The following ARSG variants were observed in gnomAD, a reference collection of about 807,000 sequenced individuals.
The protein encoded by ARSG is ASG.
ARSG carries 37 observed loss-of-function variants against 50.5 expected under a neutral mutation model. That is an observed-to-expected ratio of 0.73 (90% confidence interval 0.56 to 0.96). The LOEUF (loss-of-function observed/expected upper bound fraction) is 0.96, where lower values mean the gene tolerates loss of function less well. Among genes scored for constraint, ARSG ranks in the 50% least tolerant of loss-of-function variants. The pLI, the probability that ARSG is intolerant of heterozygous loss-of-function variation, is 0.00. For missense variants in ARSG, 629 were observed against 675.3 expected (o/e 0.93, Z 0.76); for synonymous variants, 225 against 254.6 (o/e 0.88, Z 1.11).
At chr17:68,434,558 T>C in the ARSG span, 1 of 1,613,836 alleles carries the variant, frequency 6.2e-7, no homozygotes. Context: ...ACACAGACCT[T>C]TTCATCCCTC....
At chr17:68,418,039 A>AT (rs2082505166) in intron 11 of ARSG, among the ~76,000 whole-genome samples, 2 of 151,948 alleles carry the variant, frequency 1.3e-5, no homozygotes, top group Admixed American at 6.6e-5. Context: ...TGAGTTGTTG[A>AT]TTTTTTAGTT....
chr17:68,437,892 A>G, the ARSG span, among the ~76,000 whole-genome samples: 1 of 149,572 alleles, frequency 6.7e-6, no homozygotes, highest in Non-Finnish European at 1.5e-5. Flanking sequence ...CAGCAATTCC[A>G]TAGAAACCAA....
chr17:68,430,134 C>T, the ARSG span: 5 of 1,613,748 alleles, frequency 3.1e-6, no homozygotes, highest in Non-Finnish European at 4.2e-6. Context: ...CATGTAGCCA[C>T]TCCAGGTCGA....
rs1384819798 is a variant in ARSG, at chr17:68,299,103, T to G, written c.-552+7535T>G. 5.4e-4 allele frequency among the ~76,000 whole-genome samples: 13 copies of G among 24,256 alleles called. 1 individual carries two copies. The African/African-American group carries it at 6.1e-3, about 11-fold the overall frequency. The allele number at this position is 24,256 out of a possible 152,430, so 15.9% of individuals were successfully genotyped here. A position where few individuals can be genotyped will look rare whatever the true frequency, so the allele number is the denominator to read the frequency against. Reference sequence around the variant, plus strand: ...TGACAAAGGGAAAAAAATTGAACTTTTTTTTTTTTTTTTTTTTTTGAGACA... The same window carrying G: ...TGACAAAGGGAAAAAAATTGAACTTGTTTTTTTTTTTTTTTTTTTGAGACA... On this transcript the variant is annotated intron_variant, in intron 1 of 11. Transcript: ENST00000621439.
At chr17:68,370,382 G>A (rs571762402) in intron 7 of ARSG, 62 bp from the exon 8 acceptor site, 5 of 1,478,394 alleles carry the variant, frequency 3.4e-6, no homozygotes, top group Non-Finnish European at 3.8e-6. Context: ...GGGCCAGAGT[G>A]GGAGGGTCAG....
intron 1 of ARSG, among the ~76,000 whole-genome samples, chr17:68,304,870 C>T: frequency 6.6e-6 from 1 of 152,164 alleles, no homozygotes; most frequent in Admixed American, 6.5e-5. Flanking sequence ...AACTCTGTTC[C>T]TCCTTATTAA....
chr17:68,395,216 C>T (rs1337903705), intron 10 of ARSG, 23 bp downstream of exon 10: 8 of 1,612,466 alleles, frequency 5.0e-6, no homozygotes, highest in Non-Finnish European at 1.7e-6. Flanking sequence ...GGTACTTGCC[C>T]ACATGTAGGC....
chr17:68,421,624 A>T, downstream of ARSG: 1 of 1,097,550 alleles, frequency 9.1e-7, no homozygotes, highest in Non-Finnish European at 1.4e-6. Flanking sequence ...GTGAGGAGTT[A>T]ACCAGGTCCT....
intron 6 of ARSG, among the ~76,000 whole-genome samples, chr17:68,364,508 C>T (rs888424077): frequency 1.1e-4 from 17 of 152,032 alleles, no homozygotes; most frequent in African/African-American, 1.9e-4. Flanking sequence ...TACAGGCACG[C>T]GTCACCATGC....
rs201821256 is a variant in ARSG, at chr17:68,299,100, C to CT, written c.-552+7554dup. On this transcript the variant is annotated intron_variant, in intron 1 of 11. Coordinates refer to ENST00000621439, the MANE Select transcript of ARSG (RefSeq NM_001267727.2). ...AAATGACAAAGGGAAAAAAATTGAA[C>CT]TTTTTTTTTTTTTTTTTTTTTTGAG... Among the ~76,000 whole-genome samples the CT allele has an allele frequency of 9.8e-3, 1,032 of 105,526 alleles. 13 individuals are homozygous for CT. Among genetic ancestry groups the CT allele is most frequent in the Middle Eastern group, 0.02 (4 of 196 alleles). The allele number at this position is 105,526 out of a possible 152,430, so 69.2% of individuals were successfully genotyped here.
At chr17:68,418,483 A>G (rs142513245) in intron 11 of ARSG, among the ~76,000 whole-genome samples, 1 of 152,334 alleles carries the variant, frequency 6.6e-6, no homozygotes, top group African/African-American at 2.4e-5. Flanking sequence ...CTTGACTCTC[A>G]GCCACAGGTG....
chr17:68,396,022 T>G (rs1048367401), intron 10 of ARSG, among the ~76,000 whole-genome samples: 10 of 151,390 alleles, frequency 6.6e-5, no homozygotes, highest in Admixed American at 4.6e-4. Context: ...TTTGTTTTTT[T>G]TTTTGAGATG....
At chr17:68,436,803 C>T in the ARSG span, among the ~76,000 whole-genome samples, 8 of 151,968 alleles carry the variant, frequency 5.3e-5, no homozygotes, top group African/African-American at 1.9e-4. Context: ...TCCAGACAAG[C>T]CTGGCCAACA....
At chr17:68,362,026 T>A (rs2079314603) in intron 6 of ARSG, among the ~76,000 whole-genome samples, 1 of 152,054 alleles carries the variant, frequency 6.6e-6, no homozygotes, top group Non-Finnish European at 1.5e-5. Context: ...GGAGTGGTAT[T>A]TTGTTATAGC....
At chr17:68,327,448 G>C (rs1273319477) in intron 2 of ARSG, among the ~76,000 whole-genome samples, 1 of 152,130 alleles carries the variant, frequency 6.6e-6, no homozygotes, top group African/African-American at 2.4e-5. Flanking sequence ...TCCAGCTTTT[G>C]GTAGCTCCAG....
chr17:68,285,819 G>A (rs1555754176), intron 1 of ARSG, among the ~76,000 whole-genome samples: 1 of 151,936 alleles, frequency 6.6e-6, no homozygotes, highest in African/African-American at 2.4e-5. Flanking sequence ...GGAATGCAGT[G>A]GCATGATTTC....
chr17:68,286,830 T>A (rs1487671262), upstream of ARSG, among the ~76,000 whole-genome samples: 1 of 152,146 alleles, frequency 6.6e-6, no homozygotes, highest in African/African-American at 2.4e-5. Context: ...ATTCTATTAA[T>A]CAACTGATGG....
chr17:68,379,359 G>A (rs1026931515), intron 8 of ARSG, among the ~76,000 whole-genome samples: 8 of 149,282 alleles, frequency 5.4e-5, no homozygotes, highest in Non-Finnish European at 1.2e-4. Flanking sequence ...TCCTGCTTCA[G>A]CCTCCCTAGT....
intron 11 of ARSG, among the ~76,000 whole-genome samples, chr17:68,402,020 T>C (rs1319137060): frequency 1.3e-5 from 2 of 152,186 alleles, no homozygotes; most frequent in African/African-American, 2.4e-5. Flanking sequence ...TTTCCACCCT[T>C]AGTTTTCCAA....
Sources: gnomAD v4.1 joint callset for allele counts (sites outside exome capture counted in the v4.1 genomes callset) on GRCh38, gnomAD v4.1.1 for gene constraint, MANE v1.5 for transcripts, NCBI Gene and HGNC (gene_info 2026-07-23, HGNC 2026-07-21) for gene names.